The following AVL9 variants were observed in gnomAD, a reference collection of about 807,000 sequenced individuals.
AVL9 encodes late secretory pathway protein AVL9 homolog.
In AVL9, 49 loss-of-function variants were observed where a neutral mutation model predicts 79.2. The ratio of observed to expected loss-of-function variants is 0.62; its 90% CI spans 0.49 to 0.79. AVL9 has a LOEUF of 0.79. AVL9 is among the 30% of genes least tolerant of loss of function. AVL9 has a pLI of 0.00. For synonymous variants in AVL9, 299 were observed against 280.6 expected, an observed-to-expected ratio of 1.07 and a Z score of -0.65; for missense variants, 682 against 776.8, an observed-to-expected ratio of 0.88 and a Z score of 1.45.
chr7:32,543,117 G>T, intron 1 of AVL9, 24 bp from the exon 2 acceptor site: 1 of 1,611,760 alleles, frequency 6.2e-7, no homozygotes, highest in Non-Finnish European at 8.5e-7. Flanking sequence ...ACCACCTTTT[G>T]GCTAACATTC....
chr7:32,503,266 C>T (rs1787223437), intron 1 of AVL9, among the ~76,000 whole-genome samples: 1 of 149,420 alleles, frequency 6.7e-6, no homozygotes, highest in Non-Finnish European at 1.5e-5. Context: ...ACTTGAGGCC[C>T]GGAGTTCGAG....
At chr7:32,539,251 A>G (rs1246632872) in intron 1 of AVL9, 2 of 152,150 alleles carry the variant, frequency 1.3e-5, no homozygotes, top group African/African-American at 4.8e-5. Context: ...CTCCATCTCA[A>G]AAAAAAAGAA....
chr7:32,548,151 CTT>C (rs1554340933), intron 3 of AVL9, among the ~76,000 whole-genome samples: 3 of 131,578 alleles, frequency 2.3e-5, no homozygotes, highest in Non-Finnish European at 3.2e-5. Flanking sequence ...TCTCTTTTTT[CTT>C]TTTTTTTTTT....
intron 1 of AVL9, among the ~76,000 whole-genome samples, chr7:32,514,125 A>G (rs772648459): frequency 6.6e-6 from 1 of 152,052 alleles, no homozygotes; most frequent in Admixed American, 6.6e-5. Context: ...TCTTATCTCA[A>G]CTGCATGGAA....
rs1294225361 is a variant in AVL9, at chr7:32,584,732, T to A, written c.*825T>A. The stretch of plus-strand genomic sequence containing the variant: ...ATGTTGCAGTCTTACAAGCACTTTT[T>A]TTTTATTCCAGAGTTTGTGCCATCT... On this transcript the variant is annotated 3_prime_UTR_variant, in exon 16 of 16. Transcript: ENST00000318709. The A allele has an allele frequency of 2.0e-5, 3 of 147,566 alleles. No individual in the cohort carries two copies. The highest frequency in any genetic ancestry group is 4.5e-5 in the Non-Finnish European group (3 of 67,130). The allele number at this position is 147,566 out of a possible 1,614,324, so 9.1% of individuals were successfully genotyped here.
chr7:32,576,140 A>C, intron 13 of AVL9, 68 bp downstream of exon 13: 3 of 1,061,316 alleles, frequency 2.8e-6, no homozygotes, highest in Non-Finnish European at 4.3e-6. Context: ...TACAGAGAAA[A>C]ATCTATTTTA....
intron 1 of AVL9, among the ~76,000 whole-genome samples, chr7:32,512,512 G>T (rs1326911636): frequency 1.3e-5 from 2 of 152,200 alleles, no homozygotes; most frequent in Admixed American, 1.3e-4. Flanking sequence ...GCACAGAATG[G>T]CACAAAGTGC....
In AVL9 at chr7:32,509,621, G is replaced by A. The variant is rs146473226; in HGVS notation, c.93+13819G>A. 6.3e-3 allele frequency among the ~76,000 whole-genome samples: 965 copies of A among 152,218 alleles called. 5 individuals are homozygous for A. The highest frequency in any genetic ancestry group is 0.021 in the African/African-American group (883 of 41,538). On this transcript the variant is annotated intron_variant, in intron 1 of 15. Transcript: ENST00000318709. ...AAGGAACAGACTGTCTTGGCCGGGCGGGCGGATCACTTGAGGTCAGGAGTT... is the reference window on the plus strand; with the variant it reads ...AAGGAACAGACTGTCTTGGCCGGGCAGGCGGATCACTTGAGGTCAGGAGTT...
chr7:32,553,690 T>C lies in AVL9; in HGVS notation c.530-37T>C, dbSNP rs112482767. 1.8e-3 allele frequency: 2,793 copies of C among 1,554,834 alleles called. 42 individuals carry two copies. The African/African-American group carries it at 0.033, about 18-fold the overall frequency. On this transcript the variant is annotated intron_variant, in intron 6 of 15. Coordinates refer to ENST00000318709, the MANE Select transcript of AVL9 (RefSeq NM_015060.3). ...ACCTTTCTGCAGCAAAAACATTACA[T>C]TGTAGTCACACTTGAGCTTTTTTGT...
rs1369521142 is a variant in AVL9 at position 32,580,349 on chromosome 7, T to TG, written c.1742+78dup. On this transcript the variant is annotated intron_variant, in intron 14 of 15. Coordinates refer to ENST00000318709, the MANE Select transcript of AVL9 (RefSeq NM_015060.3). ...ATGTGTTTCATTGCTAATTGGGAAT[T>TG]GTTTTTCTCTACTTGATAGACTTAT... 5.2e-6 allele frequency: 6 copies of TG among 1,162,002 alleles called. No homozygotes were observed. In the African/African-American group the frequency reaches 9.2e-5, roughly 18 times the overall value. The allele number at this position is 1,162,002 out of a possible 1,614,324, so 72.0% of individuals were successfully genotyped here.
At position 32,579,494 on chromosome 7, in the gene AVL9, C is replaced by CATATTATATATTTT. The variant is rs1791329892; in HGVS notation, c.1689-713_1689-712insTTATATTATATATT. Among the ~76,000 whole-genome samples the CATATTATATATTTT allele has an allele frequency of 3.1e-3, 5 of 1,638 alleles. 2 individuals are homozygous for CATATTATATATTTT. The highest frequency in any genetic ancestry group is 0.02 in the African/African-American group (5 of 250). The allele number at this position is 1,638 out of a possible 152,430, so 1.1% of individuals were successfully genotyped here. Reference sequence around the variant, plus strand: ...ATATTATATTATATATAATATATTACATATTATATATTATATATTATATTA... The same window carrying CATATTATATATTTT: ...ATATTATATTATATATAATATATTACATATTATATATTTTATATTATATATTATATATTATATTA... On this transcript the variant is annotated intron_variant, in intron 13 of 15. Coordinates refer to ENST00000318709, the MANE Select transcript of AVL9 (RefSeq NM_015060.3).
chr7:32,509,865 G>A (rs768127560), intron 1 of AVL9, among the ~76,000 whole-genome samples: 3 of 152,012 alleles, frequency 2.0e-5, no homozygotes, highest in Admixed American at 1.3e-4. Context: ...AAAAAAGACT[G>A]TCTAGAAAAA....
chr7:32,499,049 G>T (rs1786996772), intron 1 of AVL9, among the ~76,000 whole-genome samples: 1 of 139,238 alleles, frequency 7.2e-6, no homozygotes, highest in African/African-American at 2.7e-5. Flanking sequence ...TGTGATCCCA[G>T]CTACTTGGGA....
chr7:32,510,225 C>T (rs1839601), intron 1 of AVL9, among the ~76,000 whole-genome samples: 108,302 of 150,168 alleles, frequency 0.72, 38,974 homozygotes, highest in South Asian at 0.86. Flanking sequence ...TCAGGTCTGG[C>T]TGTGGGAGTC....
rs750925577 is a variant in AVL9, at chr7:32,554,580, T to C, written c.593T>C (p.Ile198Thr). ...CAGGTCTTAATCCTATTTAAGCTAATTCTTCTTGAAAAAAAGGTACGATCC... is the reference window on the plus strand; with the variant it reads ...CAGGTCTTAATCCTATTTAAGCTAACTCTTCTTGAAAAAAAGGTACGATCC... The part of the protein sequence containing the change: ...RHKVLILFKL[I>T]LLEKKVLFYI... Residue 198 changes from isoleucine (I) to threonine (T), a missense_variant, in exon 8 of 16, where the codon ATT (isoleucine) becomes ACT (threonine). By Grantham distance (89) the Ile-to-Thr change is moderately conservative. Transcript: ENST00000318709. 1 of 1,556,936 alleles carries C rather than the reference T, an allele frequency of 6.4e-7. No homozygotes were observed. Among genetic ancestry groups the C allele is most frequent in the Middle Eastern group, 1.7e-4 (1 of 5,842 alleles).
At chr7:32,552,125 A>G in intron 5 of AVL9, 104 bp from the exon 6 acceptor site, 1 of 720,918 alleles carries the variant, frequency 1.4e-6, no homozygotes, top group Non-Finnish European at 2.4e-6. Flanking sequence ...GCCTAGCAGA[A>G]CAAACTACCT....
intron 1 of AVL9, among the ~76,000 whole-genome samples, chr7:32,506,733 C>T (rs1562751914): frequency 6.7e-6 from 1 of 148,610 alleles, no homozygotes; most frequent in East Asian, 2.0e-4. Flanking sequence ...ACAACATAGA[C>T]CCTGTCTCTA....
intron 1 of AVL9, among the ~76,000 whole-genome samples, chr7:32,507,878 C>T (rs1054430694): frequency 1.3e-5 from 2 of 152,304 alleles, no homozygotes; most frequent in East Asian, 3.9e-4. Context: ...ATGCTCCTTG[C>T]CAACACTGGG....
chr7:32,572,801 C>CAAAAAAAAAAAAAAAAAA (rs3080635), intron 11 of AVL9, among the ~76,000 whole-genome samples: 32 of 93,420 alleles, frequency 3.4e-4, no homozygotes, highest in African/African-American at 1.4e-3. Context: ...GACTCCGTCT[C>CAAAAAAAAAAAAAAAAAA]AAAAAAAAAA....
Sources: gnomAD v4.1 joint callset for allele counts (sites outside exome capture counted in the v4.1 genomes callset) on GRCh38, gnomAD v4.1.1 for gene constraint, MANE v1.5 for transcripts, NCBI Gene and HGNC (gene_info 2026-07-23, HGNC 2026-07-21) for gene names.